The following LPIN1 variants were observed in gnomAD, a reference collection of about 807,000 sequenced individuals.
LPIN1 encodes the protein phosphatidate phosphatase LPIN1.
A neutral mutation model predicts 107.5 loss-of-function variants in LPIN1; 71 were observed. The observed-to-expected ratio is 0.66, with a 90% CI of 0.55 to 0.80. The LOEUF (loss-of-function observed/expected upper bound fraction) is 0.80. LPIN1 is among the 30% of genes least tolerant of loss of function. The pLI is 0.00. For missense variants in LPIN1, 1,043 were observed against 1,160.6 expected, an observed-to-expected ratio of 0.90 and a Z score of 1.47; for synonymous variants, 445 against 452.6, an observed-to-expected ratio of 0.98 and a Z score of 0.21.
chr2:11,762,525 G>C (rs752016240), intron 1 of LPIN1, among the ~76,000 whole-genome samples: 1 of 152,074 alleles, frequency 6.6e-6, no homozygotes, highest in South Asian at 2.1e-4. Context: ...CCCATCCTCC[G>C]AGAGTCCTCT....
chr2:11,746,685 G>A lies in LPIN1; in HGVS notation c.-10+14G>A, dbSNP rs1666981040. On this transcript the variant is annotated intron_variant, in intron 1 of 20. Coordinates refer to ENST00000674199, the MANE Select transcript of LPIN1 (RefSeq NM_001349206.2). ...CGGCGCCGCTCGGTGAGTAGCCGCC[G>A]CCTCCAGCCTCCCGCTGTGGAGCAG... The A allele has an allele frequency of 1.0e-6, 1 of 983,058 alleles. No homozygotes were observed. Among genetic ancestry groups the A allele is most frequent in the Non-Finnish European group, 1.2e-6 (1 of 827,908 alleles). The allele number at this position is 983,058 out of a possible 1,614,324, so 60.9% of individuals were successfully genotyped here.
intron 1 of LPIN1, among the ~76,000 whole-genome samples, chr2:11,706,918 T>C (rs1428138021): frequency 6.6e-6 from 1 of 152,230 alleles, no homozygotes; most frequent in Non-Finnish European, 1.5e-5. Context: ...AGAGGATTCA[T>C]AGCTTTTATC....
intron 18 of LPIN1, chr2:11,818,397 T>C (rs926733967): frequency 1.3e-5 from 2 of 152,276 alleles, no homozygotes; most frequent in African/African-American, 4.8e-5. Flanking sequence ...ACATCTTCTG[T>C]TAGATTTATT....
exon 2 of LPIN1, chr2:11,741,358 AAGCGTG>A (rs765813657): frequency 7.8e-6 from 12 of 1,547,240 alleles, no homozygotes; most frequent in Non-Finnish European, 1.0e-5. Flanking sequence ...GGTAACTCTG[AAGCGTG>A]AGCTGCCAGA....
chr2:11,823,477 C>T (rs975266164), intron 20 of LPIN1, among the ~76,000 whole-genome samples: 2 of 152,370 alleles, frequency 1.3e-5, no homozygotes, highest in South Asian at 2.1e-4. Context: ...TGTGCAAGCA[C>T]ACTGTTTCTC....
At chr2:11,740,331 C>T (rs906410100) in intron 1 of LPIN1, among the ~76,000 whole-genome samples, 11 of 152,182 alleles carry the variant, frequency 7.2e-5, no homozygotes, top group Admixed American at 7.2e-4. Context: ...CACTCAAAGA[C>T]ATCCCCAGAG....
intron 1 of LPIN1, among the ~76,000 whole-genome samples, chr2:11,698,375 G>A (rs1300311812): frequency 1.3e-5 from 2 of 152,202 alleles, no homozygotes; most frequent in Non-Finnish European, 2.9e-5. Context: ...TTAGAGTCAA[G>A]GCTTCTGTGA....
chr2:11,784,596 G>A (rs1674167561), intron 9 of LPIN1: 1 of 513,188 alleles, frequency 1.9e-6, no homozygotes, highest in Non-Finnish European at 3.4e-6. Context: ...GGGCAGGGCT[G>A]GCGCCTGGAG....
intron 6 of LPIN1, chr2:11,777,662 G>A (rs910405009): frequency 2.0e-5 from 3 of 152,246 alleles, no homozygotes; most frequent in East Asian, 3.9e-4. Flanking sequence ...GACAGACGTC[G>A]TAAAACCCGT....
chr2:11,741,227 A>G (rs1207867765), intron 1 of LPIN1: 1 of 636,080 alleles, frequency 1.6e-6, no homozygotes, highest in Non-Finnish European at 2.7e-6. Flanking sequence ...GTCCTGCCCC[A>G]GCTGTGTCCC....
rs1205552689 is a variant in LPIN1, at chr2:11,771,352, A to G, written c.289-20A>G. On this transcript the variant is annotated intron_variant, in intron 3 of 20. Coordinates refer to ENST00000674199, the MANE Select transcript of LPIN1 (RefSeq NM_001349206.2). The surrounding 1 kb of genome is among the most constrained non-coding windows in gnomAD (Gnocchi z 4.8). The stretch of plus-strand genomic sequence containing the variant: ...CCTGAATTAACGAGGCTCTTTTTAG[A>G]AAATGTGTTCTTTTCTTAGGAAGTT... 3.1e-6 allele frequency: 5 copies of G among 1,613,426 alleles called. No individual in the cohort carries two copies. The highest frequency in any genetic ancestry group is 3.4e-6 in the Non-Finnish European group (4 of 1,179,492).
intron 1 of LPIN1, among the ~76,000 whole-genome samples, chr2:11,678,026 A>G (rs1661520057): frequency 6.6e-6 from 1 of 152,190 alleles, no homozygotes; most frequent in African/African-American, 2.4e-5. Flanking sequence ...TCAAAATGGG[A>G]CTTCAGAGCT....
At chr2:11,692,497 G>C (rs1223430736) in intron 1 of LPIN1, among the ~76,000 whole-genome samples, 1 of 152,246 alleles carries the variant, frequency 6.6e-6, no homozygotes, top group Non-Finnish European at 1.5e-5. Flanking sequence ...CAGTAGATTT[G>C]AGTGGGGCCT....
At chr2:11,703,310 C>G (rs1032435684) in intron 1 of LPIN1, among the ~76,000 whole-genome samples, 2 of 152,208 alleles carry the variant, frequency 1.3e-5, no homozygotes, top group South Asian at 4.2e-4. Context: ...TAGCGTGGAT[C>G]TGAGTTGCCC....
chr2:11,787,392 C>CTTTTTTTTTTTTTTTTTTTTT lies in LPIN1; in HGVS notation c.1643+230_1643+231insTTTTTTTTTTTTTTTTTTTTT, dbSNP rs1219054361. Among the ~76,000 whole-genome samples the CTTTTTTTTTTTTTTTTTTTTT allele has an allele frequency of 7.0e-5, 8 of 113,684 alleles. 2 individuals carry two copies. The highest frequency in any genetic ancestry group is 2.7e-4 in the African/African-American group (7 of 26,110). The allele number at this position is 113,684 out of a possible 152,430, so 74.6% of individuals were successfully genotyped here. A position where few individuals can be genotyped will look rare whatever the true frequency, so the allele number is the denominator to read the frequency against. ...AGTCTTGTGAGTTTTCTTTTCTTTTCTTTTTCTTTTTTTTTTTTTTTTTTT... is the reference window on the plus strand; with the variant it reads ...AGTCTTGTGAGTTTTCTTTTCTTTTCTTTTTTTTTTTTTTTTTTTTTTTTTTCTTTTTTTTTTTTTTTTTTT... On this transcript the variant is annotated intron_variant, in intron 11 of 20. Transcript: ENST00000674199.
In LPIN1 at chr2:11,805,079, T is replaced by C. The variant is rs775749363; in HGVS notation, c.2172T>C (p.Thr724=). The change falls in exon 17 of 21, where the codon ACT becomes ACC. Residue 724 remains threonine (T), a synonymous_variant. Coordinates refer to ENST00000674199, the MANE Select transcript of LPIN1 (RefSeq NM_001349206.2). ...TTTCCTCTTCATTTAGATCAGATAC[T>C]CTTGGCCACATTTTGCCCACCCTTG... ...DIDGTITRSD[T]LGHILPTLGK... The C allele has an allele frequency of 6.2e-7, 1 of 1,610,288 alleles. No individual in the cohort carries two copies. The highest frequency in any genetic ancestry group is 2.2e-5 in the East Asian group (1 of 44,854).
intron 1 of LPIN1, among the ~76,000 whole-genome samples, chr2:11,685,972 C>G (rs1476679326): frequency 6.6e-6 from 1 of 152,166 alleles, no homozygotes; most frequent in Non-Finnish European, 1.5e-5. Flanking sequence ...CACCAATGTC[C>G]AGTGACCCTT....
intron 1 of LPIN1, among the ~76,000 whole-genome samples, chr2:11,708,913 C>A (rs974638663): frequency 4.6e-5 from 7 of 152,114 alleles, no homozygotes; most frequent in Admixed American, 2.6e-4. Flanking sequence ...CACAAGGGCC[C>A]TATGACAAAG....
In LPIN1 at chr2:11,782,460, G is replaced by C. The variant is rs988910572; in HGVS notation, c.1217G>C (p.Ser406Thr). Residue 406 changes from serine (S) to threonine (T), a missense_variant, in exon 8 of 21, where the codon AGT becomes ACT. Transcript: ENST00000674199. ...MIEELKPPSA[S>T]VVQTANKTDS... ...GAGGAGCTCAAACCCCCCTCTGCCA[G>C]TGTAGTCCAGACAGCAAACAAGACG... is the stretch of plus-strand genomic sequence containing the variant. The C allele has an allele frequency of 6.2e-7, 1 of 1,614,074 alleles. No homozygotes were observed. The highest frequency in any genetic ancestry group is 1.7e-5 in the Admixed American group (1 of 59,998).
Sources: gnomAD v4.1 joint callset for allele counts (sites outside exome capture counted in the v4.1 genomes callset) on GRCh38, gnomAD v4.1.1 for gene constraint, Gnocchi (gnomAD v3.1) non-coding constraint, MANE v1.5 for transcripts, NCBI Gene and HGNC (gene_info 2026-07-23, HGNC 2026-07-21) for gene names.